NELL1: variants seen among roughly 807,000 people sequenced by gnomAD.
NELL1 encodes neural EGFL like 1, also known as protein kinase C-binding protein NELL1.
Under a neutral mutation model 107.4 loss-of-function variants are expected in NELL1, and 76 were observed. The observed-to-expected ratio is 0.71, with a 90% CI of 0.59 to 0.86. The LOEUF is 0.86. Among genes scored for constraint, NELL1 ranks in the 40% least tolerant of loss-of-function variants. The probability of loss-of-function intolerance (pLI) is 0.00; values close to 1 mark genes in which losing one functional copy is unlikely to be tolerated. For missense variants in NELL1, 1,024 were observed against 1,005.5 expected, an observed-to-expected ratio of 1.02 and a Z score of -0.25; for synonymous variants, 353 against 341.2, an observed-to-expected ratio of 1.03 and a Z score of -0.38.
chr11:20,837,265 A>G (rs1848548523), intron 3 of NELL1, among the ~76,000 whole-genome samples: 1 of 152,192 alleles, frequency 6.6e-6, no homozygotes, highest in Non-Finnish European at 1.5e-5. Context: ...ATGGGAGATT[A>G]CAGATAAGCA....
intron 13 of NELL1, among the ~76,000 whole-genome samples, chr11:21,116,148 G>T (rs1855230375): frequency 6.6e-6 from 1 of 151,990 alleles, no homozygotes; most frequent in African/African-American, 2.4e-5. Context: ...TTTTGCTAAA[G>T]CCAGTGTTCT....
At chr11:21,201,107 C>A (rs1857259976) in intron 13 of NELL1, among the ~76,000 whole-genome samples, 1 of 151,952 alleles carries the variant, frequency 6.6e-6, no homozygotes, top group Non-Finnish European at 1.5e-5. Context: ...TTGTCTTGTC[C>A]ATGCGGGCTG....
At chr11:21,232,155 A>ATAT (rs1554985087) in intron 14 of NELL1, among the ~76,000 whole-genome samples, 6 of 50,032 alleles carry the variant, frequency 1.2e-4, no homozygotes, top group African/African-American at 5.2e-4. Flanking sequence ...AATAAAAAAA[A>ATAT]AAAAATATAT....
At chr11:21,168,347 T>G (rs1484700467) in intron 13 of NELL1, among the ~76,000 whole-genome samples, 1 of 151,786 alleles carries the variant, frequency 6.6e-6, no homozygotes, top group Non-Finnish European at 1.5e-5. Context: ...TTAAAAAATA[T>G]CATCTCACTG....
At chr11:20,755,302 A>G (rs983501302) in intron 2 of NELL1, among the ~76,000 whole-genome samples, 1 of 152,156 alleles carries the variant, frequency 6.6e-6, no homozygotes, top group Non-Finnish European at 1.5e-5. Context: ...GTAGTCGCCT[A>G]TTTGGGAGCT....
chr11:20,733,974 G>A (rs1164010009), intron 2 of NELL1, among the ~76,000 whole-genome samples: 1 of 152,152 alleles, frequency 6.6e-6, no homozygotes, highest in Non-Finnish European at 1.5e-5. Context: ...ATAAAGGAAA[G>A]CAACAGAGTA....
intron 5 of NELL1, among the ~76,000 whole-genome samples, chr11:20,908,274 T>G (rs1850048430): frequency 6.6e-6 from 1 of 152,160 alleles, no homozygotes; most frequent in Non-Finnish European, 1.5e-5. Flanking sequence ...ACAGCACTAT[T>G]CACAATAGCA....
intron 2 of NELL1, among the ~76,000 whole-genome samples, chr11:20,761,267 C>T (rs1420606219): frequency 6.6e-6 from 1 of 152,118 alleles, no homozygotes; most frequent in African/African-American, 2.4e-5. Context: ...GAACTATAGC[C>T]TCAATACAGT....
At chr11:20,692,999 G>A (rs1168612042) in intron 2 of NELL1, among the ~76,000 whole-genome samples, 9 of 152,100 alleles carry the variant, frequency 5.9e-5, no homozygotes, top group African/African-American at 1.2e-4. Flanking sequence ...ATTTAGGATA[G>A]TTAGCTCTTC....
At position 21,179,862 on chromosome 11, in the gene NELL1, C is replaced by CTTTTTTTTTTT. The variant is rs1164420669; in HGVS notation, c.1427-49455_1427-49445dup. ...AAGGTTTAGGACAGAAATCAACACA[C>CTTTTTTTTTTT]TTTTTTTTTTTTTTTTTTTTTTTTT... On this transcript the variant is annotated intron_variant, in intron 13 of 19. Coordinates refer to ENST00000357134, the MANE Select transcript of NELL1 (RefSeq NM_006157.5). 3.0e-4 allele frequency among the ~76,000 whole-genome samples: 23 copies of CTTTTTTTTTTT among 75,700 alleles called. 3 individuals carry two copies. Among genetic ancestry groups the CTTTTTTTTTTT allele is most frequent in the Admixed American group, 5.9e-4 (3 of 5,128 alleles). 49.7% of individuals were successfully genotyped at this position (75,700 alleles called of 152,430 possible).
intron 11 of NELL1, among the ~76,000 whole-genome samples, chr11:20,954,355 A>G (rs1179861206): frequency 2.0e-5 from 3 of 152,092 alleles, no homozygotes; most frequent in Admixed American, 6.6e-5. Context: ...CATTTCTCCC[A>G]CTAGGATCTG....
chr11:20,794,043 A>C (rs1314671429), intron 3 of NELL1, among the ~76,000 whole-genome samples: 1 of 152,230 alleles, frequency 6.6e-6, no homozygotes, highest in Non-Finnish European at 1.5e-5. Context: ...ACAGTCTGAG[A>C]GAAGTAGGTT....
intron 12 of NELL1, among the ~76,000 whole-genome samples, chr11:21,111,683 T>C (rs1388339024): frequency 6.6e-6 from 1 of 152,054 alleles, no homozygotes; most frequent in African/African-American, 2.4e-5. Flanking sequence ...TCTTAATCTT[T>C]CCACTTAGAA....
intron 12 of NELL1, among the ~76,000 whole-genome samples, chr11:21,062,114 A>G (rs977742953): frequency 1.2e-4 from 18 of 152,334 alleles, no homozygotes; most frequent in Admixed American, 3.3e-4. Context: ...TATTGATAGC[A>G]CTTGAAATGT....
In NELL1 at chr11:21,530,198, G is replaced by C. The variant is rs550178177; in HGVS notation, c.1646-4176G>C. 1.3e-4 allele frequency among the ~76,000 whole-genome samples: 20 copies of C among 152,134 alleles called. No homozygotes were observed. In the East Asian group the frequency reaches 3.3e-3, roughly 25 times the overall value. ...TATCACCCTAAAAACTCTTAGGAAA[G>C]GTATAATCTATCCACAACCTGAGCC... On this transcript the variant is annotated intron_variant, in intron 15 of 19. Coordinates refer to ENST00000357134, the MANE Select transcript of NELL1 (RefSeq NM_006157.5).
chr11:20,775,505 T>C (rs1468472957), intron 2 of NELL1, among the ~76,000 whole-genome samples: 1 of 152,188 alleles, frequency 6.6e-6, no homozygotes, highest in Non-Finnish European at 1.5e-5. Context: ...TTTGTTCTCC[T>C]GTCTTGTGAT....
At chr11:21,279,737 A>C (rs1487631086) in intron 14 of NELL1, among the ~76,000 whole-genome samples, 1 of 152,206 alleles carries the variant, frequency 6.6e-6, no homozygotes. Flanking sequence ...AATGAGTTGT[A>C]AACTCTGTCC....
At chr11:21,010,543 G>C (rs983083677) in intron 12 of NELL1, among the ~76,000 whole-genome samples, 2 of 152,086 alleles carry the variant, frequency 1.3e-5, no homozygotes, top group Non-Finnish European at 2.9e-5. Flanking sequence ...GCTGACTGAA[G>C]ACACGTTAAT....
chr11:21,533,586 G>C (rs1284827327), intron 15 of NELL1, among the ~76,000 whole-genome samples: 1 of 152,148 alleles, frequency 6.6e-6, no homozygotes, highest in South Asian at 2.1e-4. Context: ...CTTTGTGCTA[G>C]AAAATCTATA....
Sources: gnomAD v4.1 joint callset for allele counts (sites outside exome capture counted in the v4.1 genomes callset) on GRCh38, gnomAD v4.1.1 for gene constraint, MANE v1.5 for transcripts, NCBI Gene and HGNC (gene_info 2026-07-23, HGNC 2026-07-21) for gene names.